The following AR variants were observed in gnomAD, a reference collection of about 807,000 sequenced individuals.
AR encodes the protein dihydrotestosterone receptor.
Under a neutral mutation model 53.9 loss-of-function variants are expected in AR, and 8 were observed. The ratio of observed to expected loss-of-function variants is 0.15; its 90% CI spans 0.09 to 0.27. The LOEUF is 0.27. Ranked by LOEUF, AR falls within the 10% of genes least tolerant of loss-of-function variation. The pLI, the probability that AR is intolerant of heterozygous loss-of-function variation, is 1.00. For missense variants in AR, 639 were observed against 742.5 expected, an observed-to-expected ratio of 0.86 and a Z score of 1.62; for synonymous variants, 359 against 316.4, an observed-to-expected ratio of 1.13 and a Z score of -1.43.
In AR at chrX:67,730,024, A is replaced by G; in HGVS notation, c.*6183A>G. The G allele has an allele frequency of 5.7e-6, 1 of 175,423 alleles. No individual in the cohort carries two copies. Among genetic ancestry groups the G allele is most frequent in the Non-Finnish European group, 1.1e-5 (1 of 91,510 alleles). The allele number at this position is 175,423 out of a possible 1,213,427, so 14.5% of individuals were successfully genotyped here. ...TAAAAAGTCCCCTCACAACCCAGTG[A>G]CACCTTTCTGCTTTCCTCTAGACTG... On this transcript the variant is annotated 3_prime_UTR_variant, in exon 8 of 8. Coordinates refer to ENST00000374690, the MANE Select transcript of AR (RefSeq NM_000044.6).
chrX:67,686,158 T>C lies in AR; in HGVS notation c.1885+32T>C, dbSNP rs368200980. 8 of 1,160,355 alleles carry C rather than the reference T, an allele frequency of 6.9e-6. No homozygotes were observed. The African/African-American group carries it at 1.1e-4, about 16-fold the overall frequency. ...TACTTTTCTTTCTCTTCCTCCTCCT[T>C]CCTCTCTCCCCCTTCTCCCTCATTT... On this transcript the variant is annotated intron_variant, in intron 3 of 7. Transcript: ENST00000374690.
rs1399964781 is a variant in AR at position 67,728,360 on chromosome X, ACTGTGTTTG to A, written c.*4522_*4530del. The A allele has an allele frequency of 1.3e-5, 2 of 155,931 alleles. No individual in the cohort carries two copies. The highest frequency in any genetic ancestry group is 2.4e-5 in the Non-Finnish European group (2 of 81,994). The allele number at this position is 155,931 out of a possible 1,213,427, so 12.9% of individuals were successfully genotyped here. ...GTTGGAAATGGAGCTGTTCTTAGCC[ACTGTGTTTG>A]CTAGTGCCCATGTTAGCTTATCTGA... On this transcript the variant is annotated 3_prime_UTR_variant, in exon 8 of 8. Transcript: ENST00000374690.
intron 1 of AR, among the ~76,000 whole-genome samples, chrX:67,630,829 G>A (rs1400537068): frequency 2.7e-5 from 3 of 110,256 alleles, no homozygotes; most frequent in Non-Finnish European, 5.7e-5. Flanking sequence ...TTTTAGGGCA[G>A]GCCTGGTGGT....
Position 67,724,521 on chromosome X carries a change from C to CATT in AR, c.*682_*684dup, listed in dbSNP as rs886609006. 9 of 173,090 alleles carry CATT rather than the reference C, an allele frequency of 5.2e-5. No individual in the cohort carries two copies. The highest frequency in any genetic ancestry group is 2.7e-4 in the African/African-American group (9 of 33,373). The allele number at this position is 173,090 out of a possible 1,213,427, so 14.3% of individuals were successfully genotyped here. On this transcript the variant is annotated 3_prime_UTR_variant, in exon 8 of 8. Transcript: ENST00000374690. ...TTTATTTTCTGCCAATGGCTATTGC[C>CATT]ATTAGAGGGCAGAGTGACCCCAGAG...
At position 67,561,451 on chromosome X, in the gene AR, T is replaced by G. The variant is rs191697778; in HGVS notation, c.1616+14689T>G. 1.1e-4 allele frequency among the ~76,000 whole-genome samples: 12 copies of G among 112,172 alleles called. No individual in the cohort carries two copies. The East Asian group carries it at 2.8e-3, about 26-fold the overall frequency. ...GACAGTAAAAAAATACAAATAAAAT[T>G]ATGTAAAACAACTATTTACATAACA... On this transcript the variant is annotated intron_variant, in intron 1 of 7. Coordinates refer to ENST00000374690, the MANE Select transcript of AR (RefSeq NM_000044.6).
chrX:67,607,776 T>C (rs1304022841), intron 1 of AR, among the ~76,000 whole-genome samples: 7 of 112,102 alleles, frequency 6.2e-5, no homozygotes. Flanking sequence ...CAGAAAAACC[T>C]CCACTTAATT....
At chrX:67,565,913 G>A (rs2147341714) in intron 1 of AR, among the ~76,000 whole-genome samples, 1 of 111,769 alleles carries the variant, frequency 8.9e-6, no homozygotes, top group Non-Finnish European at 1.9e-5. Flanking sequence ...GGCCGGTCCT[G>A]AATTCTTGGT....
chrX:67,602,526 A>G (rs751597599), intron 1 of AR, among the ~76,000 whole-genome samples: 1 of 112,433 alleles, frequency 8.9e-6, no homozygotes, highest in East Asian at 2.8e-4. Context: ...AAAGCCACGC[A>G]GAGATTTGAA....
chrX:67,654,726 TA>T (rs1399076725), intron 2 of AR, among the ~76,000 whole-genome samples: 78 of 107,067 alleles, frequency 7.3e-4, no homozygotes, highest in African/African-American at 2.6e-3. Context: ...TGTCTCAAAG[TA>T]TGCTGAGGCC....
intron 4 of AR, among the ~76,000 whole-genome samples, chrX:67,714,932 G>A (rs767824685): frequency 1.2e-4 from 13 of 111,905 alleles, no homozygotes; most frequent in Non-Finnish European, 2.1e-4. Context: ...CTGGGTTTGA[G>A]TGCTAAGCAG....
chrX:67,642,409 T>A (rs1925828196), intron 1 of AR, among the ~76,000 whole-genome samples: 2 of 111,999 alleles, frequency 1.8e-5, no homozygotes. Flanking sequence ...CTCCTTCATA[T>A]CCACCTGAAA....
intron 2 of AR, among the ~76,000 whole-genome samples, chrX:67,650,877 G>C (rs1926301711): frequency 8.9e-6 from 1 of 111,922 alleles, no homozygotes; most frequent in Non-Finnish European, 1.9e-5. Flanking sequence ...ACTAATGCCT[G>C]TCTCTGCAGA....
chrX:67,571,779 A>T (rs1032609381), intron 1 of AR, among the ~76,000 whole-genome samples: 1 of 110,959 alleles, frequency 9.0e-6, no homozygotes, highest in Non-Finnish European at 1.9e-5. Flanking sequence ...TTTTATGATA[A>T]AACAGGCTCT....
intron 1 of AR, among the ~76,000 whole-genome samples, chrX:67,577,739 A>G (rs183802694): frequency 7.2e-5 from 8 of 111,425 alleles, no homozygotes; most frequent in African/African-American, 2.3e-4. Flanking sequence ...TTGAAGAGTA[A>G]GGATATTGAT....
chrX:67,616,207 T>C lies in AR; in HGVS notation c.1617-27049T>C, dbSNP rs149346525. On this transcript the variant is annotated intron_variant, in intron 1 of 7. Coordinates refer to ENST00000374690, the MANE Select transcript of AR (RefSeq NM_000044.6). ...GTGCCTAGTACTCCATTATTATTTT[T>C]TTATTATATTTTAAGTTCTGGGGTA... Among the ~76,000 whole-genome samples, 48 of 111,385 alleles carry C rather than the reference T, an allele frequency of 4.3e-4. No homozygotes were observed. The East Asian group carries it at 0.013, about 31-fold the overall frequency.
In AR at chrX:67,711,622, C is replaced by T. The variant is rs374874245; in HGVS notation, c.2106C>T (p.Leu702=). ...NNQPDSFAAL[L]SSLNELGERQ... ...AGCCCGACTCCTTTGCAGCCTTGCTCTCTAGCCTCAATGAACTGGGAGAGA... is the reference window on the plus strand; with the variant it reads ...AGCCCGACTCCTTTGCAGCCTTGCTTTCTAGCCTCAATGAACTGGGAGAGA... The change falls in exon 4 of 8, where the codon CTC becomes CTT. Residue 702 remains leucine, a synonymous_variant. Transcript: ENST00000374690. The T allele has an allele frequency of 5.0e-6, 6 of 1,207,434 alleles. No individual in the cohort carries two copies. In the Admixed American group the frequency reaches 6.6e-5, roughly 13 times the overall value.
intron 2 of AR, among the ~76,000 whole-genome samples, chrX:67,664,808 A>C (rs1602238015): frequency 8.9e-6 from 1 of 112,457 alleles, no homozygotes; most frequent in Admixed American, 9.4e-5. Context: ...CTCAAGCTTC[A>C]GCAATGGCGG....
At chrX:67,631,337 T>C (rs1255080796) in intron 1 of AR, among the ~76,000 whole-genome samples, 2 of 111,189 alleles carry the variant, frequency 1.8e-5, no homozygotes, top group Non-Finnish European at 3.8e-5. Flanking sequence ...CTTTGCTCGT[T>C]TCTTTTTATT....
At chrX:67,703,710 T>C (rs1464295071) in intron 3 of AR, among the ~76,000 whole-genome samples, 1 of 112,048 alleles carries the variant, frequency 8.9e-6, no homozygotes, top group African/African-American at 3.2e-5. Flanking sequence ...GTTTGTTACA[T>C]ATGTATACAT....
Sources: allele counts gnomAD v4.1 joint callset (sites outside exome capture counted in the v4.1 genomes callset), GRCh38; gene constraint gnomAD v4.1.1; transcripts MANE v1.5; gene names NCBI Gene and HGNC (gene_info 2026-07-23, HGNC 2026-07-21).